RPL27A: variants seen among roughly 807,000 people sequenced by gnomAD.
RPL27A encodes the protein ribosomal protein L27a.
For missense variants in RPL27A, 118 were observed against 189.4 expected (o/e 0.62, Z 2.21); for synonymous variants, 69 against 68.3 (o/e 1.01, Z -0.05).
At position 8,687,400 on chromosome 11, in the gene RPL27A, CAA is replaced by C. The variant is rs1555082950; in HGVS notation, c.*1600_*1601del. 5 of 138,072 alleles carry C rather than the reference CAA, an allele frequency of 3.6e-5. No homozygotes were observed. The highest frequency in any genetic ancestry group is 4.8e-5 in the Non-Finnish European group (3 of 62,266). 8.6% of individuals were successfully genotyped at this position (138,072 alleles called of 1,614,324 possible). A position where few individuals can be genotyped will look rare whatever the true frequency, so the allele number is the denominator to read the frequency against. ...AGAGTGAAACTCTGTCCACCCCCCC[CAA>C]AAAAAGTAAGGGCTCTCCATTAGGG... is the stretch of plus-strand genomic sequence containing the variant. On this transcript the variant is annotated 3_prime_UTR_variant, in exon 5 of 5. Transcript: ENST00000314138.
intron 3 of RPL27A, chr11:8,684,287 G>A (rs751782589): frequency 1.3e-6 from 1 of 756,576 alleles, no homozygotes; most frequent in African/African-American, 1.7e-5. Flanking sequence ...AGTCCTCGAA[G>A]AGTAACTGCT....
Position 8,688,296 on chromosome 11 carries a change from C to CT in RPL27A, c.*2492dup, listed in dbSNP as rs1441321163. 5.3e-5 allele frequency: 8 copies of CT among 152,210 alleles called. No individual in the cohort carries two copies. Among genetic ancestry groups the CT allele is most frequent in the Non-Finnish European group, 1.2e-4 (8 of 68,038 alleles). 9.4% of individuals were successfully genotyped at this position (152,210 alleles called of 1,614,324 possible). On this transcript the variant is annotated 3_prime_UTR_variant, in exon 5 of 5. Coordinates refer to ENST00000314138, the MANE Select transcript of RPL27A (RefSeq NM_000990.5). ...GTTTGGGGGGAAGGATCCCTAGTCC[C>CT]TTAATGGCTACCTTCTTCCCCAGGA... is the stretch of plus-strand genomic sequence containing the variant.
At position 8,684,073 on chromosome 11, in the gene RPL27A, C is replaced by T; in HGVS notation, c.135C>T (p.Phe45=). Residue 45 remains phenylalanine (F), a synonymous_variant, in exon 3 of 5, where the codon TTC becomes TTT. Coordinates refer to ENST00000314138, the MANE Select transcript of RPL27A (RefSeq NM_000990.5). ...GTCTGCATCACCACCGGATCAACTT[C>T]GACAAATAGTAAGTGTCCTTGGACT... is the stretch of plus-strand genomic sequence containing the variant. ...AGGLHHHRIN[F]DKYHPGYFGK... is the part of the protein sequence containing the mutation. 2.5e-6 allele frequency: 4 copies of T among 1,613,326 alleles called. No homozygotes were observed. The highest frequency in any genetic ancestry group is 3.4e-6 in the Non-Finnish European group (4 of 1,179,610).
rs931907484 is a variant in RPL27A at position 8,684,556 on chromosome 11, G to C, written c.144-162G>C. The C allele has an allele frequency of 1.6e-5, 11 of 687,386 alleles. No homozygotes were observed. The Middle Eastern group carries it at 1.6e-3, about 102-fold the overall frequency. The allele number at this position is 687,386 out of a possible 1,614,324, so 42.6% of individuals were successfully genotyped here. A position where few individuals can be genotyped will look rare whatever the true frequency, so the allele number is the denominator to read the frequency against. ...CCTTTTCCTCATGATAGTCTTTGGT[G>C]GTTTTTAAAACAGTTGTTTAAGTCA... On this transcript the variant is annotated intron_variant, in intron 3 of 4. Transcript: ENST00000314138.
intron 4 of RPL27A, 107 bp downstream of exon 4, chr11:8,684,999 T>C: frequency 9.3e-7 from 1 of 1,079,626 alleles, no homozygotes; most frequent in Non-Finnish European, 1.4e-6. Context: ...CTACCAGACA[T>C]TGATATTCTT....
chr11:8,685,409 G>A (rs200130431), intron 4 of RPL27A: 34 of 628,018 alleles, frequency 5.4e-5, no homozygotes, highest in African/African-American at 1.4e-4. Context: ...CTTAGCAGGG[G>A]GTATTTGAGC....
At chr11:8,685,525 T>G (rs1384618798) in intron 4 of RPL27A, 153 bp from the exon 5 acceptor site, 1 of 805,682 alleles carries the variant, frequency 1.2e-6, no homozygotes, top group African/African-American at 1.7e-5. Flanking sequence ...GATTCACTGG[T>G]GGGGGCAGTC....
rs1400186600 is a variant in RPL27A at position 8,689,333 on chromosome 11, C to CT, written c.*3530dup. 1 of 152,208 alleles carries CT rather than the reference C, an allele frequency of 6.6e-6. No homozygotes were observed. Among genetic ancestry groups the CT allele is most frequent in the Admixed American group, 6.5e-5 (1 of 15,278 alleles). 9.4% of individuals were successfully genotyped at this position (152,208 alleles called of 1,614,324 possible). ...TGAGCGTCAGCGACATTCAAGGGCA[C>CT]TTTGGGCTAAAAAAGAAAGTGCTTG... On this transcript the variant is annotated 3_prime_UTR_variant, in exon 5 of 5. Transcript: ENST00000314138.
At chr11:8,685,458 C>T (rs1439916583) in intron 4 of RPL27A, 6 of 707,914 alleles carry the variant, frequency 8.5e-6, no homozygotes, top group Non-Finnish European at 1.6e-5. Flanking sequence ...AGAGTCACAT[C>T]CTGACACAAC....
rs770290118 is a variant in RPL27A at position 8,688,825 on chromosome 11, C to T, written c.*3019C>T. The T allele has an allele frequency of 7.2e-5, 11 of 152,276 alleles. No individual in the cohort carries two copies. The highest frequency in any genetic ancestry group is 1.6e-4 in the Non-Finnish European group (11 of 68,056). The allele number at this position is 152,276 out of a possible 1,614,324, so 9.4% of individuals were successfully genotyped here. Reference sequence around the variant, plus strand: ...AGCCCAAGAGCAGACAGCCCACGGACGGACTGCAAGTCGGAAGCGCGGGCG... The same window carrying T: ...AGCCCAAGAGCAGACAGCCCACGGATGGACTGCAAGTCGGAAGCGCGGGCG... On this transcript the variant is annotated 3_prime_UTR_variant, in exon 5 of 5. Transcript: ENST00000314138.
At position 8,687,055 on chromosome 11, in the gene RPL27A, C is replaced by G. The variant is rs777665128; in HGVS notation, c.*1249C>G. ...GATGTTGGGGATCAAATAGAAGGCA[C>G]AGAGAAGCACTGAATTGGCTTACAT... On this transcript the variant is annotated 3_prime_UTR_variant, in exon 5 of 5. Coordinates refer to ENST00000314138, the MANE Select transcript of RPL27A (RefSeq NM_000990.5). 2 of 152,170 alleles carry G rather than the reference C, an allele frequency of 1.3e-5. No individual in the cohort carries two copies. Among genetic ancestry groups the G allele is most frequent in the Non-Finnish European group, 2.9e-5 (2 of 68,028 alleles). 9.4% of individuals were successfully genotyped at this position (152,170 alleles called of 1,614,324 possible). A position where few individuals can be genotyped will look rare whatever the true frequency, so the allele number is the denominator to read the frequency against.
chr11:8,682,896 C>T, intron 1 of RPL27A, 80 bp downstream of exon 1: 2 of 1,506,734 alleles, frequency 1.3e-6, no homozygotes, highest in African/African-American at 1.4e-5. Context: ...TAGTCATCCA[C>T]TCCCTACCAT....
At chr11:8,683,891 A>T (rs1321304729) in intron 2 of RPL27A, 115 bp from the exon 3 acceptor site, 1 of 810,460 alleles carries the variant, frequency 1.2e-6, no homozygotes, top group Non-Finnish European at 2.2e-6. Context: ...CGTGTTGGCC[A>T]GGCTGGTCTC....
At position 8,685,939 on chromosome 11, in the gene RPL27A, G is replaced by C; in HGVS notation, c.*133G>C. 1 of 791,782 alleles carries C rather than the reference G, an allele frequency of 1.3e-6. No homozygotes were observed. The allele number at this position is 791,782 out of a possible 1,614,324, so 49.0% of individuals were successfully genotyped here. A position where few individuals can be genotyped will look rare whatever the true frequency, so the allele number is the denominator to read the frequency against. On this transcript the variant is annotated 3_prime_UTR_variant, in exon 5 of 5. Transcript: ENST00000314138. ...TCTAGTACTTAGGGTATGAAGACAT[G>C]GGGTCCTCTCCTGACTTCCCTCAAA...
chr11:8,683,090 C>T, intron 1 of RPL27A, 112 bp from the exon 2 acceptor site: 2 of 1,181,184 alleles, frequency 1.7e-6, no homozygotes, highest in Non-Finnish European at 2.5e-6. Flanking sequence ...CTTTCCCAAA[C>T]GCTCCAGAAG....
rs67701052 is a variant in RPL27A at position 8,683,932 on chromosome 11, CT to C, written c.68-73del. The C allele has an allele frequency of 9.4e-4, 1,120 of 1,192,282 alleles. 2 individuals are homozygous for C. The highest frequency in any genetic ancestry group is 2.0e-3 in the South Asian group (167 of 81,832). The allele number at this position is 1,192,282 out of a possible 1,614,324, so 73.9% of individuals were successfully genotyped here. On this transcript the variant is annotated intron_variant, in intron 2 of 4. Transcript: ENST00000314138. ...CCTGACCTCAGGTGATCTACCCCCC[CT>C]CGTCCTCCTAAAATGCTGGGATTAC...
rs1158686809 is a variant in RPL27A at position 8,683,240 on chromosome 11, C to T, written c.42C>T (p.His14=). 6.2e-7 allele frequency: 1 copy of T among 1,614,246 alleles called. No homozygotes were observed. Among genetic ancestry groups the T allele is most frequent in the South Asian group, 1.1e-5 (1 of 91,088 alleles). The change falls in exon 2 of 5, where the codon CAC becomes CAT. Residue 14 remains histidine, a synonymous_variant. Transcript: ENST00000314138. ...GGAAGACCCGGAAACTTAGGGGCCA[C>T]GTGAGCCACGGCCACGGCCGCATAG... ...RLRKTRKLRG[H]VSHGHGRIGK...
Position 8,682,810 on chromosome 11 carries a change from C to A in RPL27A, c.-4C>A, listed in dbSNP as rs372050010. ...GGCCTTCCTTTTTCGTCTGGGCTGCCAACATGGTAGGTGTTTCGTTTCTTG... is the reference window on the plus strand; with the variant it reads ...GGCCTTCCTTTTTCGTCTGGGCTGCAAACATGGTAGGTGTTTCGTTTCTTG... On this transcript the variant is annotated 5_prime_UTR_variant, in exon 1 of 5. Transcript: ENST00000314138. 3 of 1,613,126 alleles carry A rather than the reference C, an allele frequency of 1.9e-6. No homozygotes were observed. Among genetic ancestry groups the A allele is most frequent in the African/African-American group, 2.7e-5 (2 of 74,854 alleles).
At chr11:8,684,604 A>G in intron 3 of RPL27A, 114 bp from the exon 4 acceptor site, 4 of 879,414 alleles carry the variant, frequency 4.5e-6, no homozygotes, top group South Asian at 3.1e-5. Flanking sequence ...TATGCCTGAC[A>G]CTGCTCTACA....
Sources: gnomAD v4.1 joint callset for allele counts on GRCh38, gnomAD v4.1.1 for gene constraint, MANE v1.5 for transcripts, NCBI Gene and HGNC (gene_info 2026-07-23, HGNC 2026-07-21) for gene names.